The following KCNMB4 variants were observed in gnomAD, a reference collection of about 807,000 sequenced individuals.
KCNMB4 encodes the protein calcium-activated potassium channel subunit beta-4.
KCNMB4 carries 3 observed loss-of-function variants against 20.7 expected under a neutral mutation model. The ratio of observed to expected loss-of-function variants is 0.14; its 90% CI spans 0.07 to 0.37. The LOEUF is 0.37. Among genes scored for constraint, KCNMB4 ranks in the 10% least tolerant of loss-of-function variants. The probability of loss-of-function intolerance (pLI) is 1.00; values close to 1 mark genes in which losing one functional copy is unlikely to be tolerated. For missense variants in KCNMB4, 168 were observed against 265.9 expected (o/e 0.63, Z 2.56); for synonymous variants, 110 against 113.4 (o/e 0.97, Z 0.19).
At chr12:70,402,211 T>C (rs1022232186) in intron 2 of KCNMB4, among the ~76,000 whole-genome samples, 13 of 152,180 alleles carry the variant, frequency 8.5e-5, no homozygotes, top group Admixed American at 3.3e-4. Flanking sequence ...TCCTCAGATA[T>C]CACCTTCTCT....
chr12:70,416,199 T>G (rs1013448460), intron 2 of KCNMB4, among the ~76,000 whole-genome samples: 1 of 152,220 alleles, frequency 6.6e-6, no homozygotes, highest in African/African-American at 2.4e-5. Context: ...GTTTATTTCC[T>G]GTCTAGGTCT....
At position 70,430,713 on chromosome 12, in the gene KCNMB4, C is replaced by T. The variant is rs17108148; in HGVS notation, c.*60C>T. On this transcript the variant is annotated 3_prime_UTR_variant, in exon 3 of 3. Transcript: ENST00000258111. Reference sequence around the variant, plus strand: ...AGCTGTACTCATCGGCACGCGTCCACCTGCGGAACCTGTGTTTCCTGGCGC... The same window carrying T: ...AGCTGTACTCATCGGCACGCGTCCATCTGCGGAACCTGTGTTTCCTGGCGC... The T allele has an allele frequency of 0.011, 15,424 of 1,456,216 alleles. 95 individuals are homozygous for T. The highest frequency in any genetic ancestry group is 0.012 in the Non-Finnish European group (13,776 of 1,104,494). The allele number at this position is 1,456,216 out of a possible 1,614,324, so 90.2% of individuals were successfully genotyped here.
intron 2 of KCNMB4, among the ~76,000 whole-genome samples, chr12:70,428,139 T>C (rs1869262083): frequency 6.6e-6 from 1 of 151,982 alleles, no homozygotes; most frequent in South Asian, 2.1e-4. Flanking sequence ...CACCTCAGCC[T>C]CCCAAATAAC....
chr12:70,415,718 C>T (rs1228154263), intron 2 of KCNMB4, among the ~76,000 whole-genome samples: 1 of 152,324 alleles, frequency 6.6e-6, no homozygotes, highest in East Asian at 1.9e-4. Context: ...CTTCAGTTCT[C>T]CTTCTTTAAT....
intron 2 of KCNMB4, among the ~76,000 whole-genome samples, chr12:70,428,808 T>G (rs1387916283): frequency 9.8e-5 from 15 of 152,316 alleles, no homozygotes; most frequent in African/African-American, 3.6e-4. Context: ...ACACATATAC[T>G]AATGGTAGCA....
At chr12:70,419,635 G>A (rs1284544524) in intron 2 of KCNMB4, among the ~76,000 whole-genome samples, 1 of 152,158 alleles carries the variant, frequency 6.6e-6, no homozygotes, top group African/African-American at 2.4e-5. Flanking sequence ...TAGGATTGGG[G>A]CTAAAGTGAA....
chr12:70,386,307 A>G (rs528691697), intron 1 of KCNMB4, among the ~76,000 whole-genome samples: 2 of 152,252 alleles, frequency 1.3e-5, no homozygotes, highest in South Asian at 4.1e-4. Context: ...GGGTCTAATT[A>G]TATAAATTTT....
At position 70,419,583 on chromosome 12, in the gene KCNMB4, T is replaced by C. The variant is rs567112419; in HGVS notation, c.465-10902T>C. Among the ~76,000 whole-genome samples, 13 of 152,290 alleles carry C rather than the reference T, an allele frequency of 8.5e-5. No individual in the cohort carries two copies. The East Asian group carries it at 2.5e-3, about 29-fold the overall frequency. On this transcript the variant is annotated intron_variant, in intron 2 of 2. Transcript: ENST00000258111. ...TTAAAAAAAAATATTCAAAGGATAG[T>C]TAATGAACAAAAACTTTAGGAAAGT...
chr12:70,432,612 C>T lies in KCNMB4; in HGVS notation c.*1959C>T, dbSNP rs1179763374. ...TTTTCTAATTCAAAAGTTACAGTTTCACTGTGAAAAAGGCCTTGAACACAC... is the reference window on the plus strand; with the variant it reads ...TTTTCTAATTCAAAAGTTACAGTTTTACTGTGAAAAAGGCCTTGAACACAC... On this transcript the variant is annotated 3_prime_UTR_variant, in exon 3 of 3. Coordinates refer to ENST00000258111, the MANE Select transcript of KCNMB4 (RefSeq NM_014505.6). 1 of 152,118 alleles carries T rather than the reference C, an allele frequency of 6.6e-6. No homozygotes were observed. The highest frequency in any genetic ancestry group is 1.9e-4 in the East Asian group (1 of 5,176). 9.4% of individuals were successfully genotyped at this position (152,118 alleles called of 1,614,324 possible).
chr12:70,426,625 C>G (rs1869221758), intron 2 of KCNMB4, among the ~76,000 whole-genome samples: 1 of 152,184 alleles, frequency 6.6e-6, no homozygotes, highest in South Asian at 2.1e-4. Flanking sequence ...AAAAATCTTA[C>G]AGACAGGGTT....
intron 2 of KCNMB4, among the ~76,000 whole-genome samples, chr12:70,405,849 G>A (rs1352122620): frequency 2.0e-5 from 3 of 152,102 alleles, no homozygotes; most frequent in Non-Finnish European, 4.4e-5. Context: ...GATTGCTTGG[G>A]GCCAGGAGTC....
At chr12:70,390,769 G>A (rs900676782) in intron 1 of KCNMB4, among the ~76,000 whole-genome samples, 1 of 152,154 alleles carries the variant, frequency 6.6e-6, no homozygotes, top group East Asian at 1.9e-4. Flanking sequence ...AGGAACAATC[G>A]TGAAGAGAGT....
intron 2 of KCNMB4, among the ~76,000 whole-genome samples, chr12:70,402,561 T>G (rs1472102465): frequency 6.7e-6 from 1 of 148,588 alleles, no homozygotes; most frequent in Non-Finnish European, 1.5e-5. Context: ...GGAGGATCGC[T>G]TGGGTCCTAC....
intron 1 of KCNMB4, among the ~76,000 whole-genome samples, chr12:70,388,149 A>C (rs540760944): frequency 6.6e-6 from 1 of 152,192 alleles, no homozygotes; most frequent in East Asian, 1.9e-4. Context: ...GTTGCAAATG[A>C]TGGGATCTCA....
intron 1 of KCNMB4, 152 bp from the exon 2 acceptor site, chr12:70,400,057 A>G: frequency 1.8e-6 from 1 of 544,312 alleles, no homozygotes; most frequent in Non-Finnish European, 3.0e-6. Flanking sequence ...AATTTGGAAT[A>G]TAGTTTAGTA....
chr12:70,406,360 A>C (rs1003321313), intron 2 of KCNMB4, among the ~76,000 whole-genome samples: 1 of 152,196 alleles, frequency 6.6e-6, no homozygotes, highest in African/African-American at 2.4e-5. Context: ...AGGCTTGGGG[A>C]GGAGGTGAGT....
chr12:70,375,595 T>C (rs1481961989), intron 1 of KCNMB4, among the ~76,000 whole-genome samples: 1 of 152,132 alleles, frequency 6.6e-6, no homozygotes, highest in Non-Finnish European at 1.5e-5. Context: ...GTTGTGATCA[T>C]ACCACTGTAA....
chr12:70,409,932 C>T lies in KCNMB4; in HGVS notation c.464+9596C>T, dbSNP rs149659451. On this transcript the variant is annotated intron_variant, in intron 2 of 2. Coordinates refer to ENST00000258111, the MANE Select transcript of KCNMB4 (RefSeq NM_014505.6). Reference sequence around the variant, plus strand: ...TCTTAAAATGTAGTGAGCAGCCAGTCGTTGGTTTTAAGCAGAGTGGTAATA... The same window carrying T: ...TCTTAAAATGTAGTGAGCAGCCAGTTGTTGGTTTTAAGCAGAGTGGTAATA... 2.4e-3 allele frequency among the ~76,000 whole-genome samples: 366 copies of T among 152,250 alleles called. 1 individual carries two copies. The highest frequency in any genetic ancestry group is 8.4e-3 in the African/African-American group (347 of 41,550).
chr12:70,370,417 C>G (rs1229942724), intron 1 of KCNMB4, among the ~76,000 whole-genome samples: 1 of 151,548 alleles, frequency 6.6e-6, no homozygotes, highest in Non-Finnish European at 1.5e-5. Flanking sequence ...ATGCCATTCT[C>G]CTGCCTCAGC....
Sources: gnomAD v4.1 joint callset for allele counts (sites outside exome capture counted in the v4.1 genomes callset) on GRCh38, gnomAD v4.1.1 for gene constraint, MANE v1.5 for transcripts, NCBI Gene and HGNC (gene_info 2026-07-23, HGNC 2026-07-21) for gene names.